The following DCTN1 variants were observed in gnomAD, a reference collection of about 807,000 sequenced individuals.
The protein encoded by DCTN1 is 150 kDa dynein-associated polypeptide.
In DCTN1, 61 loss-of-function variants were observed where a neutral mutation model predicts 161.2. The observed-to-expected ratio is 0.38, with a 90% confidence interval of 0.31 to 0.47. DCTN1 has a LOEUF of 0.47. Among genes scored for constraint, DCTN1 ranks in the 20% least tolerant of loss-of-function variants. DCTN1 has a pLI of 0.99. For synonymous variants in DCTN1, 653 were observed against 632.4 expected (o/e 1.03, Z -0.49); for missense variants, 1,404 against 1,623.7 (o/e 0.86, Z 2.33).
rs1674046787 is a variant in DCTN1, at chr2:74,362,135, C to A, written c.3616G>T (p.Val1206Phe). 1 of 1,613,542 alleles carries A rather than the reference C, an allele frequency of 6.2e-7. No individual in the cohort carries two copies. Among genetic ancestry groups the A allele is most frequent in the South Asian group, 1.1e-5 (1 of 91,080 alleles). ...CGCTGAGATACTGTCTCCTTGAGGA[C>A]CTCATCCTAGGGAAGGGGAGAGGAA... is the stretch of plus-strand genomic sequence containing the variant. ...SDTVEKLKDE[V>F]LKETVSQRPG... Residue 1206 changes from valine to phenylalanine, a missense_variant, in exon 31 of 32, where the codon GTC becomes TTC. By Grantham distance (50) the Val-to-Phe change is conservative (BLOSUM62 -1). Around this residue, in one of 9 missense-constraint regions of DCTN1, gnomAD observed 311 missense variants for 298.9 expected, o/e 1.04. Transcript: ENST00000628224.
chr2:74,376,698 C>G (rs1204187496), intron 5 of DCTN1, 44 bp downstream of exon 5: 1 of 1,576,742 alleles, frequency 6.3e-7, no homozygotes, highest in Admixed American at 1.8e-5. Context: ...GGGGAAGGGG[C>G]TCATGGCCCC....
intron 21 of DCTN1, 74 bp downstream of exon 21, chr2:74,366,709 A>T: frequency 1.2e-6 from 2 of 1,614,166 alleles, no homozygotes; most frequent in Non-Finnish European, 1.7e-6. Flanking sequence ...CCCTAACCAG[A>T]TCCAGATCTT....
At position 74,369,026 on chromosome 2, in the gene DCTN1, G is replaced by C; in HGVS notation, c.1701+72C>G. 3 of 1,567,980 alleles carry C rather than the reference G, an allele frequency of 1.9e-6. No homozygotes were observed. The highest frequency in any genetic ancestry group is 2.2e-5 in the South Asian group (2 of 90,062). On this transcript the variant is annotated intron_variant, in intron 15 of 31. Transcript: ENST00000628224. This position sits in a 1 kb window ranked among gnomAD's most constrained non-coding sequence, Gnocchi z 4.9. ...ACCACACAAAGCACCCCTTCCCCCA[G>C]GAATCTGAAGCCCAGACCCCATACC...
At chr2:74,368,165 G>C in intron 16 of DCTN1, 34 bp from the exon 17 acceptor site, 1 of 1,560,414 alleles carries the variant, frequency 6.4e-7, no homozygotes, top group Non-Finnish European at 8.7e-7. Flanking sequence ...CTGGGCCTCA[G>C]AGCAGAGGAT....
Position 74,378,245 on chromosome 2 carries a change from T to C in DCTN1, c.34A>G (p.Thr12Ala), listed in dbSNP as rs1175904687. 1.3e-5 allele frequency: 21 copies of C among 1,606,350 alleles called. No homozygotes were observed. Among genetic ancestry groups the C allele is most frequent in the Non-Finnish European group, 1.7e-5 (20 of 1,180,004 alleles). Residue 12 changes from threonine to alanine, a missense_variant and splice_region_variant, in exon 2 of 32, where the codon ACG (threonine) becomes GCG (alanine). By Grantham distance (58) the Thr-to-Ala change is moderately conservative. Transcript: ENST00000628224. Reference protein sequence around the residue: ...AQSKRHVYSRTPSGSRMSAEA... With the variant: ...AQSKRHVYSRAPSGSRMSAEA... ...GCACTCATCCTGCTGCCGCTGGGCG[T>C]CTGAAAGACACAGGTAAACACAGAC...
In DCTN1 at chr2:74,362,642, G is replaced by A; in HGVS notation, c.3609+8C>T. 6.2e-7 allele frequency: 1 copy of A among 1,613,398 alleles called. No individual in the cohort carries two copies. ...TGAAGTGAGCTCTGCCTGGCAAACT[G>A]AGCTGACCTTGAGCTTCTCGACGGT... On this transcript the variant is annotated splice_region_variant and intron_variant, in intron 30 of 31. Coordinates refer to ENST00000628224, the MANE Select transcript of DCTN1 (RefSeq NM_004082.5).
chr2:74,370,531 A>T lies in DCTN1; in HGVS notation c.1062T>A (p.Ala354=). The T allele has an allele frequency of 6.2e-7, 1 of 1,614,162 alleles. No homozygotes were observed. Among genetic ancestry groups the T allele is most frequent in the Non-Finnish European group, 8.5e-7 (1 of 1,180,038 alleles). The change falls in exon 11 of 32, where the codon GCT becomes GCA. Residue 354 remains alanine, a synonymous_variant. Transcript: ENST00000628224. The surrounding 1 kb of genome is among the most constrained non-coding windows in gnomAD (Gnocchi z 4.4). The part of the protein sequence containing the change: ...AEIEEKGSDG[A]ASSYQLKQLE... ...GCTGCTTGAGCTGATAACTGGATGCAGCGCCATCTGAGCCTGGAGAAGATC... is the reference window on the plus strand; with the variant it reads ...GCTGCTTGAGCTGATAACTGGATGCTGCGCCATCTGAGCCTGGAGAAGATC...
intron 1 of DCTN1, 48 bp from the exon 2 acceptor site, chr2:74,378,293 G>A (rs1553466488): frequency 1.3e-6 from 2 of 1,598,140 alleles, no homozygotes; most frequent in Non-Finnish European, 1.7e-6. Context: ...CAGATCAAAG[G>A]TGGCATTCTT....
chr2:74,361,991 A>T (rs1674030625), intron 31 of DCTN1, 61 bp downstream of exon 31: 2 of 1,558,324 alleles, frequency 1.3e-6, no homozygotes, highest in Non-Finnish European at 8.8e-7. Context: ...ATTCTGGAGG[A>T]GAGGGGGGCC....
At position 74,371,585 on chromosome 2, in the gene DCTN1, C is replaced by T. The variant is rs143607419; in HGVS notation, c.597G>A (p.Pro199=). The change falls in exon 8 of 32, where the codon CCG becomes CCA. Residue 199 remains proline (P), a synonymous_variant. Transcript: ENST00000628224. The part of the protein sequence containing the change: ...TPLAAPIIPT[P]VLTSPGAVPP... ...GGACTGCTCCAGGAGAGGTGAGGAC[C>T]GGCGTGGGGATGATGGGTGCTGCCA... 7.2e-5 allele frequency: 115 copies of T among 1,586,358 alleles called. No individual in the cohort carries two copies. In the African/African-American group the frequency reaches 8.6e-4, roughly 12 times the overall value.
chr2:74,371,478 C>G lies in DCTN1; in HGVS notation c.645+59G>C, dbSNP rs531119686. On this transcript the variant is annotated intron_variant, in intron 8 of 31. Coordinates refer to ENST00000628224, the MANE Select transcript of DCTN1 (RefSeq NM_004082.5). ...ACCCCAGGAAATTTTCAAGACACAG[C>G]GGGTAGCCACAAGCCTCTGGGTGTC... 7 of 1,492,480 alleles carry G rather than the reference C, an allele frequency of 4.7e-6. No individual in the cohort carries two copies. The East Asian group carries it at 1.5e-4, about 32-fold the overall frequency. 92.5% of individuals were successfully genotyped at this position (1,492,480 alleles called of 1,614,324 possible). A position where few individuals can be genotyped will look rare whatever the true frequency, so the allele number is the denominator to read the frequency against.
chr2:74,369,840 A>G lies in DCTN1; in HGVS notation c.1392+125T>C. On this transcript the variant is annotated intron_variant, in intron 13 of 31. Transcript: ENST00000628224. This position sits in a 1 kb window ranked among gnomAD's most constrained non-coding sequence, Gnocchi z 4.9. ...AGAAAAAAAAAAAAAAAAAAAAGGC[A>G]GGGTCAGGGTAGCAAGCCCAGGCTG... 1.3e-6 allele frequency: 1 copy of G among 798,370 alleles called. No homozygotes were observed. The highest frequency in any genetic ancestry group is 2.0e-6 in the Non-Finnish European group (1 of 490,384). The allele number at this position is 798,370 out of a possible 1,614,324, so 49.5% of individuals were successfully genotyped here. A position where few individuals can be genotyped will look rare whatever the true frequency, so the allele number is the denominator to read the frequency against.
chr2:74,374,477 G>T (rs1189423832), intron 5 of DCTN1, 137 bp from the exon 6 acceptor site: 1 of 1,531,474 alleles, frequency 6.5e-7, no homozygotes, highest in East Asian at 2.4e-5. Context: ...AGGCGGCGGA[G>T]ACAGGAGATT....
rs188947134 is a variant in DCTN1, at chr2:74,365,814, C to T, written c.2886+79G>A. Reference sequence around the variant, plus strand: ...CCCTTAACTCCCAAGCCGTCTTGGTCCCGATCCCCAACACTCACTGCTTTC... The same window carrying T: ...CCCTTAACTCCCAAGCCGTCTTGGTTCCGATCCCCAACACTCACTGCTTTC... On this transcript the variant is annotated intron_variant, in intron 24 of 31. Coordinates refer to ENST00000628224, the MANE Select transcript of DCTN1 (RefSeq NM_004082.5). The T allele has an allele frequency of 3.2e-4, 522 of 1,613,454 alleles. 1 individual carries two copies. The highest frequency in any genetic ancestry group is 4.2e-4 in the Non-Finnish European group (493 of 1,179,840).
chr2:74,373,157 G>A (rs1453455650), intron 6 of DCTN1: 1 of 640,690 alleles, frequency 1.6e-6, no homozygotes, highest in African/African-American at 1.8e-5. Context: ...TGTTCCCCTT[G>A]GTTCCTGCTC....
chr2:74,377,561 G>T lies in DCTN1; in HGVS notation c.358+87C>A, dbSNP rs1052593390. On this transcript the variant is annotated intron_variant, in intron 3 of 31. Transcript: ENST00000628224. ...ATGGTAGTGACGGAAAAAAATCTTA[G>T]GATCTACTGTGGCCCCATGTTATGA... 6 of 1,523,500 alleles carry T rather than the reference G, an allele frequency of 3.9e-6. No individual in the cohort carries two copies. In the African/African-American group the frequency reaches 8.2e-5, roughly 21 times the overall value. The allele number at this position is 1,523,500 out of a possible 1,614,324, so 94.4% of individuals were successfully genotyped here. A position where few individuals can be genotyped will look rare whatever the true frequency, so the allele number is the denominator to read the frequency against.
At chr2:74,371,768 A>C (rs745348578) in intron 7 of DCTN1, 40 bp from the exon 8 acceptor site, 1 of 1,525,442 alleles carries the variant, frequency 6.6e-7, no homozygotes, top group Non-Finnish European at 9.0e-7. Flanking sequence ...AAGAAAGCAG[A>C]GGATAGGGGT....
Position 74,371,610 on chromosome 2 carries a change from A to G in DCTN1, c.572T>C (p.Leu191Pro). The stretch of plus-strand genomic sequence containing the variant: ...CGGCGTGGGGATGATGGGTGCTGCC[A>G]GCGGAGTCTGAGCCGGGGTGCTGGG... ...SEPSTPAQTP[L>P]AAPIIPTPVL... The change falls in exon 8 of 32, where the codon CTG becomes CCG. Residue 191 changes from leucine (L) to proline (P), a missense_variant. Around this residue, in one of 9 missense-constraint regions of DCTN1, gnomAD observed 174 missense variants for 175.6 expected, o/e 0.99. Transcript: ENST00000628224. The G allele has an allele frequency of 6.3e-7, 1 of 1,589,598 alleles. No individual in the cohort carries two copies. The highest frequency in any genetic ancestry group is 8.6e-7 in the Non-Finnish European group (1 of 1,168,610).
chr2:74,376,684 A>G, intron 5 of DCTN1, 58 bp downstream of exon 5: 1 of 1,525,484 alleles, frequency 6.6e-7, no homozygotes, highest in Non-Finnish European at 9.0e-7. Context: ...CATGCAGGAC[A>G]GCTGGGGAAG....
Sources: gnomAD v4.1 joint callset for allele counts on GRCh38, gnomAD v4.1.1 for gene constraint, gnomAD v4.1.1 regional missense constraint, Gnocchi (gnomAD v3.1) non-coding constraint, MANE v1.5 for transcripts, NCBI Gene and HGNC (gene_info 2026-07-23, HGNC 2026-07-21) for gene names.